Variants in PRKCQ observed in about 807,000 individuals in gnomAD.
The protein encoded by PRKCQ is protein kinase C theta type.
Under a neutral mutation model 91.2 loss-of-function variants are expected in PRKCQ, and 41 were observed. The observed-to-expected ratio is 0.45, with a 90% CI of 0.35 to 0.58. The LOEUF is 0.58. PRKCQ is among the 20% of genes least tolerant of loss of function. The pLI is 0.00. For missense variants in PRKCQ, 673 were observed against 896.5 expected, an observed-to-expected ratio of 0.75 and a Z score of 3.18; for synonymous variants, 307 against 316.9, an observed-to-expected ratio of 0.97 and a Z score of 0.33.
chr10:6,478,337 T>C (rs996265203), intron 12 of PRKCQ, among the ~76,000 whole-genome samples: 5 of 152,166 alleles, frequency 3.3e-5, no homozygotes, highest in Admixed American at 6.5e-5. Context: ...ATTTTCTTCT[T>C]TGAGTTTATA....
At chr10:6,573,898 C>T (rs1416368139) in intron 1 of PRKCQ, among the ~76,000 whole-genome samples, 1 of 152,228 alleles carries the variant, frequency 6.6e-6, no homozygotes, top group Non-Finnish European at 1.5e-5. Flanking sequence ...GGGCAGATCA[C>T]TTGAGCCCAG....
At chr10:6,476,714 CTTTA>C (rs113992999) in intron 12 of PRKCQ, among the ~76,000 whole-genome samples, 83 of 152,278 alleles carry the variant, frequency 5.5e-4, no homozygotes, top group African/African-American at 1.9e-3. Flanking sequence ...CAGTAAAAAT[CTTTA>C]TTTATGGCAA....
At chr10:6,507,161 C>A (rs1334616893) in intron 4 of PRKCQ, among the ~76,000 whole-genome samples, 1 of 152,154 alleles carries the variant, frequency 6.6e-6, no homozygotes, top group East Asian at 1.9e-4. Flanking sequence ...ACTGAATTCC[C>A]AAACTAAACT....
At chr10:6,477,186 G>A (rs1836313832) in intron 12 of PRKCQ, among the ~76,000 whole-genome samples, 1 of 152,116 alleles carries the variant, frequency 6.6e-6, no homozygotes, top group African/African-American at 2.4e-5. Context: ...TCTCAGCTCT[G>A]GTACTTTGTG....
chr10:6,442,968 C>CA (rs749300902), intron 15 of PRKCQ, among the ~76,000 whole-genome samples: 86 of 151,718 alleles, frequency 5.7e-4, no homozygotes, highest in African/African-American at 6.5e-4. Context: ...ATCTCAAAAA[C>CA]AAAAAAAACC....
downstream of PRKCQ, among the ~76,000 whole-genome samples, chr10:6,425,788 C>A (rs996763045): frequency 3.9e-5 from 6 of 152,024 alleles, no homozygotes; most frequent in African/African-American, 1.5e-4. Flanking sequence ...GACTCTGTCT[C>A]TAATTCAAAA....
At chr10:6,435,593 G>A (rs1833661312) in intron 16 of PRKCQ, among the ~76,000 whole-genome samples, 1 of 152,194 alleles carries the variant, frequency 6.6e-6, no homozygotes, top group Admixed American at 6.5e-5. Flanking sequence ...ACTCTTCTAT[G>A]TCAACTTTGA....
intron 1 of PRKCQ, among the ~76,000 whole-genome samples, chr10:6,579,622 G>A (rs1841379387): frequency 6.6e-6 from 1 of 151,340 alleles, no homozygotes; most frequent in South Asian, 2.1e-4. Flanking sequence ...CTCACTTGAG[G>A]CTACAGGAAT....
intron 1 of PRKCQ, among the ~76,000 whole-genome samples, chr10:6,543,824 GCACCGCGC>G (rs1839857918): frequency 6.6e-6 from 1 of 152,200 alleles, no homozygotes. Flanking sequence ...CCACTCCCAT[GCACCGCGC>G]ATCCTTCCTG....
the PRKCQ span, among the ~76,000 whole-genome samples, chr10:6,411,291 T>G: frequency 3.4e-4 from 51 of 152,186 alleles, no homozygotes; most frequent in Non-Finnish European, 1.2e-4. Context: ...TTTAAAGCAC[T>G]TAGAAAGTTC....
At chr10:6,506,584 C>T (rs1269043018) in intron 4 of PRKCQ, among the ~76,000 whole-genome samples, 2 of 152,106 alleles carry the variant, frequency 1.3e-5, no homozygotes, top group Non-Finnish European at 2.9e-5. Context: ...TCAATATCAT[C>T]AAATATCTAG....
intron 1 of PRKCQ, among the ~76,000 whole-genome samples, chr10:6,554,769 T>C (rs1284919133): frequency 6.6e-6 from 1 of 152,192 alleles, no homozygotes; most frequent in Admixed American, 6.5e-5. Context: ...AGAACTACCA[T>C]TTGAACCTGC....
chr10:6,439,838 T>C (rs1833878132), intron 16 of PRKCQ, among the ~76,000 whole-genome samples: 1 of 152,228 alleles, frequency 6.6e-6, no homozygotes, highest in Non-Finnish European at 1.5e-5. Flanking sequence ...AAAAGCTATA[T>C]GCAGATTTGT....
chr10:6,492,736 C>T (rs1837390594), intron 7 of PRKCQ, among the ~76,000 whole-genome samples: 2 of 152,180 alleles, frequency 1.3e-5, no homozygotes. Flanking sequence ...CAACAAAACA[C>T]TTGGATAGTT....
chr10:6,407,057 AT>A, the PRKCQ span, among the ~76,000 whole-genome samples: 1 of 152,202 alleles, frequency 6.6e-6, no homozygotes, highest in Non-Finnish European at 1.5e-5. This position sits in a 1 kb window ranked among gnomAD's most constrained non-coding sequence, Gnocchi z 4.0. Context: ...CACAGGCATC[AT>A]TTTTCTAATT....
intron 8 of PRKCQ, among the ~76,000 whole-genome samples, chr10:6,488,344 C>A (rs549655042): frequency 6.6e-6 from 1 of 151,586 alleles, no homozygotes; most frequent in Non-Finnish European, 1.5e-5. Context: ...TCAAATAGCT[C>A]AATAATAAAA....
intron 14 of PRKCQ, among the ~76,000 whole-genome samples, chr10:6,457,367 C>T (rs953354585): frequency 6.6e-6 from 1 of 152,130 alleles, no homozygotes; most frequent in African/African-American, 2.4e-5. Context: ...TTTTAAAAAA[C>T]AATTAACCGA....
intron 11 of PRKCQ, among the ~76,000 whole-genome samples, chr10:6,482,964 G>T (rs141089022): frequency 2.6e-5 from 4 of 152,228 alleles, no homozygotes; most frequent in African/African-American, 9.6e-5. Flanking sequence ...TTCAACGTGA[G>T]ATTTGGGTGG....
intron 12 of PRKCQ, among the ~76,000 whole-genome samples, chr10:6,469,811 T>A (rs80255453): frequency 6.6e-6 from 1 of 152,052 alleles, no homozygotes; most frequent in East Asian, 1.9e-4. Flanking sequence ...CAAAAGAACA[T>A]AACAAATCAT....
Sources: gnomAD v4.1 joint callset for allele counts (sites outside exome capture counted in the v4.1 genomes callset) on GRCh38, gnomAD v4.1.1 for gene constraint, Gnocchi (gnomAD v3.1) non-coding constraint, MANE v1.5 for transcripts, NCBI Gene and HGNC (gene_info 2026-07-23, HGNC 2026-07-21) for gene names.